CDH4: variants seen among roughly 807,000 people sequenced by gnomAD.
CDH4 encodes the protein cadherin-4.
Under a neutral mutation model 86.0 loss-of-function variants are expected in CDH4, and 33 were observed. The ratio of observed to expected loss-of-function variants is 0.38; its 90% CI spans 0.29 to 0.51. The LOEUF (loss-of-function observed/expected upper bound fraction) is 0.51. Ranked by LOEUF, CDH4 falls within the 20% of genes least tolerant of loss-of-function variation. The probability of loss-of-function intolerance (pLI) is 0.86; values close to 1 mark genes in which losing one functional copy is unlikely to be tolerated. For synonymous variants in CDH4, 555 were observed against 549.4 expected (o/e 1.01, Z -0.14); for missense variants, 1,114 against 1,307.4 (o/e 0.85, Z 2.28).
At chr20:61,433,046 C>A (rs981542947) in intron 2 of CDH4, among the ~76,000 whole-genome samples, 1 of 151,970 alleles carries the variant, frequency 6.6e-6, no homozygotes, top group Non-Finnish European at 1.5e-5. Context: ...ACCATGTTGG[C>A]CAGGCTGGTC....
At chr20:61,606,534 C>T (rs1180704161) in intron 2 of CDH4, among the ~76,000 whole-genome samples, 1 of 152,206 alleles carries the variant, frequency 6.6e-6, no homozygotes, top group Non-Finnish European at 1.5e-5. Flanking sequence ...CACAGAGGTC[C>T]CTCTCCCTCT....
rs147531189 is a variant in CDH4 at position 61,880,304 on chromosome 20, G to A, written c.1050+6404G>A. Among the ~76,000 whole-genome samples, 85 of 152,332 alleles carry A rather than the reference G, an allele frequency of 5.6e-4. No homozygotes were observed. The South Asian group carries it at 8.7e-3, about 16-fold the overall frequency. ...TAGCCTGGGGCAGGCGGGGTTCAGC[G>A]TTTCCCGCTGGCTGGGTTTTGAATC... On this transcript the variant is annotated intron_variant, in intron 7 of 15. Coordinates refer to ENST00000614565, the MANE Select transcript of CDH4 (RefSeq NM_001794.5).
At chr20:61,884,572 G>A (rs374943524) in intron 7 of CDH4, among the ~76,000 whole-genome samples, 4 of 152,232 alleles carry the variant, frequency 2.6e-5, no homozygotes, top group South Asian at 2.1e-4. Flanking sequence ...CAGCCTGGGG[G>A]CACCCAGCGA....
At chr20:61,362,696 C>T (rs1056798859) in intron 2 of CDH4, among the ~76,000 whole-genome samples, 50 of 152,134 alleles carry the variant, frequency 3.3e-4, no homozygotes, top group African/African-American at 1.1e-3. Flanking sequence ...TGATGACCTC[C>T]GGGGCCATCA....
intron 2 of CDH4, among the ~76,000 whole-genome samples, chr20:61,292,780 G>A (rs1252614683): frequency 1.3e-5 from 2 of 152,338 alleles, no homozygotes; most frequent in East Asian, 1.9e-4. Context: ...GGGCAATGCT[G>A]TTTTTGTTTT....
intron 2 of CDH4, among the ~76,000 whole-genome samples, chr20:61,301,044 C>T (rs763576837): frequency 1.2e-4 from 18 of 152,208 alleles, no homozygotes; most frequent in African/African-American, 3.6e-4. Context: ...TCAAAGCTCA[C>T]GACTCTTACC....
intron 2 of CDH4, among the ~76,000 whole-genome samples, chr20:61,390,363 G>A (rs1343406296): frequency 2.4e-5 from 3 of 124,972 alleles, no homozygotes; most frequent in African/African-American, 1.0e-4. Context: ...GATTGGGTTC[G>A]TACAGTCATA....
intron 2 of CDH4, among the ~76,000 whole-genome samples, chr20:61,440,905 G>T (rs1428625243): frequency 2.0e-5 from 3 of 152,184 alleles, no homozygotes; most frequent in Non-Finnish European, 2.9e-5. Flanking sequence ...GTCTGTAGTT[G>T]TCGGGAAGAG....
At chr20:61,619,399 A>G (rs2086751667) in intron 2 of CDH4, among the ~76,000 whole-genome samples, 1 of 152,252 alleles carries the variant, frequency 6.6e-6, no homozygotes, top group African/African-American at 2.4e-5. Flanking sequence ...ACTTGTGGGA[A>G]GCCCCAGTAT....
At chr20:61,773,719 C>T (rs1317612386) in intron 4 of CDH4, among the ~76,000 whole-genome samples, 4 of 152,166 alleles carry the variant, frequency 2.6e-5, no homozygotes, top group Non-Finnish European at 2.9e-5. Flanking sequence ...ATTTCTTCTT[C>T]CCTTTGAAGA....
At chr20:61,454,223 T>A (rs1038063420) in intron 2 of CDH4, among the ~76,000 whole-genome samples, 8 of 152,252 alleles carry the variant, frequency 5.3e-5, no homozygotes, top group African/African-American at 1.9e-4. Context: ...GATACAGTGG[T>A]GACCAAAGTG....
rs563275169 is a variant in CDH4 at position 61,380,855 on chromosome 20, G to A, written c.169+125918G>A. ...ATGTCATCTGTGTTCTGTTGCATCC[G>A]AAGTATTTCTCCTGCCTCTGCTCAA... On this transcript the variant is annotated intron_variant, in intron 2 of 15. Transcript: ENST00000614565. Among the ~76,000 whole-genome samples, 122 of 152,290 alleles carry A rather than the reference G, an allele frequency of 8.0e-4. 1 individual carries two copies. The highest frequency in any genetic ancestry group is 3.4e-3 in the Middle Eastern group (1 of 294).
rs542500400 is a variant in CDH4 at position 61,417,341 on chromosome 20, C to A, written c.169+162404C>A. Among the ~76,000 whole-genome samples the A allele has an allele frequency of 1.3e-5, 2 of 151,990 alleles. No homozygotes were observed. The highest frequency in any genetic ancestry group is 2.9e-5 in the Non-Finnish European group (2 of 68,016). Reference sequence around the variant, plus strand: ...TCTACCTCTCTTCTCTCTCCCCTCACCCCTAGCCCCTCTCTCTCCTCCCTC... The same window carrying A: ...TCTACCTCTCTTCTCTCTCCCCTCAACCCTAGCCCCTCTCTCTCCTCCCTC... On this transcript the variant is annotated intron_variant, in intron 2 of 15. Transcript: ENST00000614565. The surrounding 1 kb of genome is among the most constrained non-coding windows in gnomAD (Gnocchi z 4.0).
intron 15 of CDH4, among the ~76,000 whole-genome samples, chr20:61,934,724 C>A (rs1310284529): frequency 2.7e-5 from 4 of 147,084 alleles, no homozygotes; most frequent in Admixed American, 1.3e-4. Flanking sequence ...CTTGCCCCCC[C>A]TCCCCACCCC....
At chr20:61,267,350 T>G (rs2084162644) in intron 2 of CDH4, among the ~76,000 whole-genome samples, 1 of 152,134 alleles carries the variant, frequency 6.6e-6, no homozygotes, top group Admixed American at 6.5e-5. Context: ...TTAGAGGATG[T>G]TTAGCCTCCG....
chr20:61,576,792 G>A (rs909571345), intron 2 of CDH4, among the ~76,000 whole-genome samples: 1 of 152,208 alleles, frequency 6.6e-6, no homozygotes, highest in Non-Finnish European at 1.5e-5. Context: ...GCCTGTATGA[G>A]TGCGTGGATT....
chr20:61,867,336 G>T (rs1376587485), intron 6 of CDH4, among the ~76,000 whole-genome samples: 1 of 152,188 alleles, frequency 6.6e-6, no homozygotes, highest in Non-Finnish European at 1.5e-5. Context: ...GATCACCTAA[G>T]CTCAGGAGTT....
At chr20:61,929,559 G>A in intron 12 of CDH4, 50 bp from the exon 13 acceptor site, 2 of 1,437,106 alleles carry the variant, frequency 1.4e-6, no homozygotes, top group Non-Finnish European at 2.0e-6. Flanking sequence ...CGTCTTGCTT[G>A]GAAGCGAGGG....
At chr20:61,594,574 G>A (rs1055983647) in intron 2 of CDH4, among the ~76,000 whole-genome samples, 3 of 152,210 alleles carry the variant, frequency 2.0e-5, no homozygotes, top group Non-Finnish European at 2.9e-5. Flanking sequence ...AGTGGGGCTC[G>A]AGGGTCCTTC....
Sources: gnomAD v4.1 joint callset for allele counts (sites outside exome capture counted in the v4.1 genomes callset) on GRCh38, gnomAD v4.1.1 for gene constraint, Gnocchi (gnomAD v3.1) non-coding constraint, MANE v1.5 for transcripts, NCBI Gene and HGNC (gene_info 2026-07-23, HGNC 2026-07-21) for gene names.